The following EPHA6 variants were observed in gnomAD, a reference collection of about 807,000 sequenced individuals.
EPHA6 encodes ephrin type-A receptor 6.
In EPHA6, 50 loss-of-function variants were observed where a neutral mutation model predicts 112.0. The ratio of observed to expected loss-of-function variants is 0.45; its 90% confidence interval spans 0.36 to 0.56. The LOEUF is 0.56. EPHA6 is among the 20% of genes least tolerant of loss of function. The pLI is 0.00. For missense variants in EPHA6, 1,280 were observed against 1,417.4 expected (o/e 0.90, Z 1.56); for synonymous variants, 529 against 490.7 (o/e 1.08, Z -1.03).
chr3:96,839,356 C>T (rs762246251), intron 1 of EPHA6, among the ~76,000 whole-genome samples: 11 of 152,010 alleles, frequency 7.2e-5, no homozygotes, highest in Non-Finnish European at 1.2e-4. Flanking sequence ...TTGTGTGCTC[C>T]GTATGAGAAT....
chr3:96,822,979 G>T (rs2033382780), intron 1 of EPHA6, among the ~76,000 whole-genome samples: 1 of 151,390 alleles, frequency 6.6e-6, no homozygotes, highest in African/African-American at 2.4e-5. Context: ...AGTTAATAAA[G>T]ATAAATGTTG....
At chr3:97,056,377 C>T (rs1220734104) in intron 3 of EPHA6, among the ~76,000 whole-genome samples, 6 of 152,180 alleles carry the variant, frequency 3.9e-5, no homozygotes, top group Non-Finnish European at 7.3e-5. Context: ...TTACAAGTCT[C>T]TTCTCCTATC....
chr3:97,513,233 G>C (rs1209928927), intron 10 of EPHA6, among the ~76,000 whole-genome samples: 1 of 152,170 alleles, frequency 6.6e-6, no homozygotes, highest in East Asian at 1.9e-4. Flanking sequence ...GTAGACAACA[G>C]TGTGGAAGTT....
At chr3:97,207,059 A>G (rs1364172794) in intron 3 of EPHA6, among the ~76,000 whole-genome samples, 2 of 152,142 alleles carry the variant, frequency 1.3e-5, no homozygotes, top group Non-Finnish European at 2.9e-5. Flanking sequence ...ATAAAAGTGT[A>G]TATTACAATT....
At chr3:96,871,147 A>G (rs768444825) in intron 2 of EPHA6, among the ~76,000 whole-genome samples, 1 of 152,050 alleles carries the variant, frequency 6.6e-6, no homozygotes, top group Non-Finnish European at 1.5e-5. Context: ...TTTCAATTAT[A>G]TTGTTCCATA....
chr3:97,492,974 CTTTT>C (rs373733285), intron 10 of EPHA6, among the ~76,000 whole-genome samples: 10 of 130,894 alleles, frequency 7.6e-5, no homozygotes, highest in Admixed American at 1.5e-4. Flanking sequence ...TAAGCTTTTC[CTTTT>C]TTTTTTTTTT....
At chr3:97,717,687 G>C (rs1364887477) in intron 14 of EPHA6, among the ~76,000 whole-genome samples, 1 of 152,098 alleles carries the variant, frequency 6.6e-6, no homozygotes, top group Non-Finnish European at 1.5e-5. Flanking sequence ...GTCACAGTGG[G>C]GGTTAAGGCT....
chr3:96,980,808 A>T (rs1173103110), intron 2 of EPHA6, among the ~76,000 whole-genome samples: 1 of 152,144 alleles, frequency 6.6e-6, no homozygotes, highest in Non-Finnish European at 1.5e-5. Flanking sequence ...TTCTCTTTGA[A>T]GCAATTGTGA....
intron 3 of EPHA6, among the ~76,000 whole-genome samples, chr3:97,058,575 T>A (rs1419596445): frequency 1.3e-5 from 2 of 152,210 alleles, no homozygotes; most frequent in Admixed American, 1.3e-4. Context: ...GTGCTGGGAT[T>A]ACAGGTGTGA....
chr3:97,542,889 T>A (rs917069140), intron 11 of EPHA6, among the ~76,000 whole-genome samples: 1 of 152,244 alleles, frequency 6.6e-6, no homozygotes, highest in African/African-American at 2.4e-5. Flanking sequence ...TGCATAAATG[T>A]CTTCTTGTGA....
intron 3 of EPHA6, among the ~76,000 whole-genome samples, chr3:97,193,334 T>G (rs116098992): frequency 0.014 from 2,078 of 152,240 alleles, 51 homozygotes; most frequent in African/African-American, 0.047. Flanking sequence ...TTTTACAATT[T>G]TAATTGTAGA....
At chr3:97,085,944 TATATAC>T (rs2046883672) in intron 3 of EPHA6, among the ~76,000 whole-genome samples, 1 of 145,884 alleles carries the variant, frequency 6.9e-6, no homozygotes, top group African/African-American at 2.7e-5. Flanking sequence ...TATATATATA[TATATAC>T]ACACTGAGAT....
intron 3 of EPHA6, among the ~76,000 whole-genome samples, chr3:97,101,453 A>G (rs1434143312): frequency 6.6e-6 from 1 of 152,020 alleles, no homozygotes; most frequent in African/African-American, 2.4e-5. Context: ...ATTTCCAAAT[A>G]AGTTATAATG....
intron 3 of EPHA6, among the ~76,000 whole-genome samples, chr3:97,108,234 A>G (rs1266405887): frequency 6.6e-6 from 1 of 152,138 alleles, no homozygotes; most frequent in Admixed American, 6.6e-5. Context: ...CAGTAAGAAA[A>G]GGAACACATG....
At chr3:97,006,693 A>G (rs1415103819) in intron 3 of EPHA6, among the ~76,000 whole-genome samples, 2 of 151,496 alleles carry the variant, frequency 1.3e-5, no homozygotes, top group Non-Finnish European at 2.9e-5. Flanking sequence ...TTTAATTTTG[A>G]TTTTAGGGTG....
intron 14 of EPHA6, among the ~76,000 whole-genome samples, chr3:97,651,432 T>C (rs1019311612): frequency 2.0e-5 from 3 of 152,002 alleles, no homozygotes; most frequent in Non-Finnish European, 2.9e-5. Context: ...AGGATATCTA[T>C]AGCCTGGATA....
intron 3 of EPHA6, among the ~76,000 whole-genome samples, chr3:97,176,196 A>T (rs1210971828): frequency 1.3e-5 from 2 of 151,842 alleles, no homozygotes; most frequent in Non-Finnish European, 2.9e-5. Context: ...ATGATGTGTC[A>T]TGTTGATTTA....
At chr3:97,412,829 CTG>C (rs1167397177) in intron 6 of EPHA6, among the ~76,000 whole-genome samples, 2 of 151,698 alleles carry the variant, frequency 1.3e-5, no homozygotes, top group African/African-American at 4.8e-5. Context: ...GTTAAAGAAA[CTG>C]TACTGTTTGG....
At chr3:97,461,836 G>C (rs2090898166) in intron 7 of EPHA6, among the ~76,000 whole-genome samples, 1 of 152,038 alleles carries the variant, frequency 6.6e-6, no homozygotes, top group African/African-American at 2.4e-5. Context: ...CTCAGCTGAA[G>C]AAACTCCACG....
Sources: gnomAD v4.1 joint callset for allele counts (sites outside exome capture counted in the v4.1 genomes callset) on GRCh38, gnomAD v4.1.1 for gene constraint, MANE v1.5 for transcripts, NCBI Gene and HGNC (gene_info 2026-07-23, HGNC 2026-07-21) for gene names.